The following TNFAIP8 variants were observed in gnomAD, a reference collection of about 807,000 sequenced individuals.
TNFAIP8 encodes the protein tumor necrosis factor alpha-induced protein 8.
TNFAIP8 carries 7 observed loss-of-function variants against 13.3 expected under a neutral mutation model. The ratio of observed to expected loss-of-function variants is 0.52; its 90% CI spans 0.30 to 0.99. TNFAIP8 has a LOEUF of 0.99. TNFAIP8 is among the 50% of genes least tolerant of loss of function. TNFAIP8 has a pLI of 0.07. For synonymous variants in TNFAIP8, 94 were observed against 87.6 expected (o/e 1.07, Z -0.41); for missense variants, 258 against 236.9 (o/e 1.09, Z -0.58).
chr5:119,341,760 GA>G (rs1220501100), intron 1 of TNFAIP8, among the ~76,000 whole-genome samples: 4 of 152,062 alleles, frequency 2.6e-5, no homozygotes, highest in African/African-American at 7.2e-5. Flanking sequence ...AGTAGAGATG[GA>G]AATCTCAATC....
At chr5:119,352,829 G>A (rs1248883759), upstream of TNFAIP8, among the ~76,000 whole-genome samples, 1 of 152,170 alleles carries the variant, frequency 6.6e-6, no homozygotes, top group East Asian at 1.9e-4. Context: ...AAGGTGACTT[G>A]GAAAGTTGAG....
chr5:119,386,194 G>C (rs1018854100), intron 1 of TNFAIP8, among the ~76,000 whole-genome samples: 1 of 152,212 alleles, frequency 6.6e-6, no homozygotes, highest in African/African-American at 2.4e-5. Context: ...TGTTTTTTAA[G>C]AGGATAAATT....
At chr5:119,324,467 T>C (rs1007354896) in intron 1 of TNFAIP8, among the ~76,000 whole-genome samples, 5 of 151,998 alleles carry the variant, frequency 3.3e-5, no homozygotes, top group Admixed American at 1.3e-4. Flanking sequence ...GTCACAGGGA[T>C]AAGCAAAAAG....
At chr5:119,320,303 G>A (rs183130128) in intron 1 of TNFAIP8, among the ~76,000 whole-genome samples, 76 of 152,272 alleles carry the variant, frequency 5.0e-4, no homozygotes, top group Non-Finnish European at 9.4e-4. Flanking sequence ...AAGTCCTCCT[G>A]CAATTATATT....
rs1025090345 is a variant in TNFAIP8, at chr5:119,356,540, A to G, written c.31+419A>G. ...AGGGGTTTGAGAAATTAGAAACGCT[A>G]TATGTTTCCGGCTAAAAGGGGAAGC... On this transcript the variant is annotated intron_variant, in intron 1 of 1. Transcript: ENST00000504771. Among the ~76,000 whole-genome samples the G allele has an allele frequency of 9.2e-5, 14 of 151,490 alleles. No individual in the cohort carries two copies. In the East Asian group the frequency reaches 1.9e-3, roughly 21 times the overall value.
chr5:119,369,966 T>C (rs1308601294), intron 1 of TNFAIP8, among the ~76,000 whole-genome samples: 3 of 152,226 alleles, frequency 2.0e-5, no homozygotes, highest in African/African-American at 4.8e-5. Flanking sequence ...TGGTGGAAAC[T>C]GAAATGAATT....
intron 1 of TNFAIP8, among the ~76,000 whole-genome samples, chr5:119,280,458 A>G (rs1377361162): frequency 6.6e-6 from 1 of 152,010 alleles, no homozygotes; most frequent in African/African-American, 2.4e-5. Flanking sequence ...AGTTTCCCAC[A>G]GTGTTGATAA....
At chr5:119,273,812 A>AC (rs1489821418) in intron 1 of TNFAIP8, among the ~76,000 whole-genome samples, 1 of 152,144 alleles carries the variant, frequency 6.6e-6, no homozygotes, top group African/African-American at 2.4e-5. Flanking sequence ...AGGATTAGGC[A>AC]CCGGGGCAAG....
intron 1 of TNFAIP8, among the ~76,000 whole-genome samples, chr5:119,373,178 G>A (rs1752152396): frequency 6.6e-6 from 1 of 152,064 alleles, no homozygotes; most frequent in South Asian, 2.1e-4. Flanking sequence ...TCGACAGCCT[G>A]CTGGCCACAC....
intron 1 of TNFAIP8, among the ~76,000 whole-genome samples, chr5:119,322,252 C>T (rs1750081546): frequency 2.0e-5 from 3 of 152,204 alleles, no homozygotes; most frequent in African/African-American, 7.2e-5. Context: ...GAACTTTTGT[C>T]ACTGCTCTAT....
chr5:119,299,113 A>T (rs1749276783), intron 1 of TNFAIP8, among the ~76,000 whole-genome samples: 1 of 152,230 alleles, frequency 6.6e-6, no homozygotes, highest in Non-Finnish European at 1.5e-5. Context: ...AACTCATCAA[A>T]GTCATTCTCC....
chr5:119,290,855 TG>T (rs1480840914), intron 1 of TNFAIP8, among the ~76,000 whole-genome samples: 2 of 152,112 alleles, frequency 1.3e-5, no homozygotes, highest in Non-Finnish European at 1.5e-5. Context: ...CTGGTGTCAG[TG>T]TGTTCAAGGG....
intron 1 of TNFAIP8, chr5:119,333,268 C>T: frequency 1.9e-6 from 2 of 1,077,362 alleles, no homozygotes; most frequent in Non-Finnish European, 2.2e-6. Flanking sequence ...AGCAACCAGT[C>T]CATCCCTGTT....
Position 119,396,241 on chromosome 5 carries a change from C to T in TNFAIP8, c.*2860C>T, listed in dbSNP as rs772532144. The T allele has an allele frequency of 6.6e-6, 1 of 152,210 alleles. No individual in the cohort carries two copies. The highest frequency in any genetic ancestry group is 1.5e-5 in the Non-Finnish European group (1 of 68,036). 9.4% of individuals were successfully genotyped at this position (152,210 alleles called of 1,614,324 possible). A position where few individuals can be genotyped will look rare whatever the true frequency, so the allele number is the denominator to read the frequency against. Reference sequence around the variant, plus strand: ...GCAGTATGCTGCTGAAATGGTTCCTCATATAGTGACATTTTAGGCAGTACC... The same window carrying T: ...GCAGTATGCTGCTGAAATGGTTCCTTATATAGTGACATTTTAGGCAGTACC... On this transcript the variant is annotated 3_prime_UTR_variant, in exon 2 of 2. Transcript: ENST00000504771.
intron 1 of TNFAIP8, among the ~76,000 whole-genome samples, chr5:119,273,850 G>C (rs946950680): frequency 4.6e-5 from 7 of 152,132 alleles, no homozygotes; most frequent in African/African-American, 1.7e-4. Context: ...TACTCAGCAA[G>C]GCACACAGTA....
chr5:119,361,191 G>A (rs1751620474), intron 1 of TNFAIP8, among the ~76,000 whole-genome samples: 1 of 152,198 alleles, frequency 6.6e-6, no homozygotes, highest in South Asian at 2.1e-4. Flanking sequence ...CTGGGAGTCA[G>A]GACACCTTTC....
At chr5:119,366,431 C>G (rs1182846406) in intron 1 of TNFAIP8, among the ~76,000 whole-genome samples, 2 of 152,200 alleles carry the variant, frequency 1.3e-5, no homozygotes, top group Non-Finnish European at 2.9e-5. Flanking sequence ...TGCTGCCCCT[C>G]TTCCAACTGC....
intron 1 of TNFAIP8, among the ~76,000 whole-genome samples, chr5:119,346,354 G>C (rs11743630): frequency 1.3e-5 from 2 of 152,194 alleles, no homozygotes; most frequent in East Asian, 3.8e-4. Context: ...GCAGCCTGCA[G>C]AAAGAGTGTA....
chr5:119,271,633 C>T (rs1357869989), intron 1 of TNFAIP8, among the ~76,000 whole-genome samples: 1 of 152,184 alleles, frequency 6.6e-6, no homozygotes, highest in Non-Finnish European at 1.5e-5. Context: ...TAGTACAATT[C>T]CAGTGCCAGG....
Sources: allele counts gnomAD v4.1 joint callset (sites outside exome capture counted in the v4.1 genomes callset), GRCh38; gene constraint gnomAD v4.1.1; transcripts MANE v1.5; gene names NCBI Gene and HGNC (gene_info 2026-07-23, HGNC 2026-07-21).